Variants in KCTD8 observed in about 807,000 individuals in gnomAD.
KCTD8 encodes the protein potassium channel tetramerization domain containing 8.
Under a neutral mutation model 31.5 loss-of-function variants are expected in KCTD8, and 27 were observed. That is an observed-to-expected ratio of 0.86 (90% CI 0.63 to 1.18). KCTD8 has a LOEUF of 1.18. Ranked by LOEUF, KCTD8 falls within the 50% of genes most tolerant of loss-of-function variation. The probability of loss-of-function intolerance (pLI) is 0.00; values close to 1 mark genes in which losing one functional copy is unlikely to be tolerated. For missense variants in KCTD8, 658 were observed against 647.7 expected (o/e 1.02, Z -0.17); for synonymous variants, 290 against 280.0 (o/e 1.04, Z -0.36).
chr4:44,421,560 GT>G (rs1192203459), intron 1 of KCTD8, among the ~76,000 whole-genome samples: 1 of 151,976 alleles, frequency 6.6e-6, no homozygotes, highest in Non-Finnish European at 1.5e-5. Context: ...ATATCCTCTG[GT>G]TTTATGATAT....
chr4:44,346,921 G>C (rs891562977), intron 1 of KCTD8, among the ~76,000 whole-genome samples: 2 of 152,184 alleles, frequency 1.3e-5, no homozygotes, highest in Non-Finnish European at 2.9e-5. Context: ...ACTAAGACCT[G>C]AGTTGAATAT....
intron 1 of KCTD8, among the ~76,000 whole-genome samples, chr4:44,414,558 C>T (rs959717429): frequency 6.6e-6 from 1 of 152,102 alleles, no homozygotes; most frequent in African/African-American, 2.4e-5. Flanking sequence ...CTGGGTGGCC[C>T]CTGAGGGCTG....
intron 1 of KCTD8, among the ~76,000 whole-genome samples, chr4:44,426,119 T>A (rs920200346): frequency 1.3e-5 from 2 of 151,508 alleles, no homozygotes; most frequent in Non-Finnish European, 2.9e-5. Flanking sequence ...ATAATACATG[T>A]CAAAATGTAT....
intron 1 of KCTD8, among the ~76,000 whole-genome samples, chr4:44,377,125 T>G (rs917780435): frequency 6.6e-6 from 1 of 152,174 alleles, no homozygotes; most frequent in Non-Finnish European, 1.5e-5. Context: ...ATAAGCAGTC[T>G]TAACAACCTG....
chr4:44,182,925 T>TA, intron 1 of KCTD8, among the ~76,000 whole-genome samples: 2 of 152,210 alleles, frequency 1.3e-5, no homozygotes, highest in Non-Finnish European at 2.9e-5. Context: ...ACATATATAT[T>TA]AAGTACTTTA....
At chr4:44,338,427 T>C (rs1011473858) in intron 1 of KCTD8, among the ~76,000 whole-genome samples, 3 of 152,152 alleles carry the variant, frequency 2.0e-5, no homozygotes, top group Non-Finnish European at 4.4e-5. Flanking sequence ...AACTATTCAG[T>C]AAAGACCAGA....
At chr4:44,331,276 T>C (rs1009228737) in intron 1 of KCTD8, among the ~76,000 whole-genome samples, 1 of 151,878 alleles carries the variant, frequency 6.6e-6, no homozygotes, top group Non-Finnish European at 1.5e-5. Flanking sequence ...TCTAATATTG[T>C]TAGGAAAAAG....
At chr4:44,351,382 T>C (rs747275484) in intron 1 of KCTD8, among the ~76,000 whole-genome samples, 8 of 152,172 alleles carry the variant, frequency 5.3e-5, no homozygotes, top group Admixed American at 1.3e-4. Context: ...AAAAGAATTT[T>C]TGTGCATTAA....
chr4:44,270,591 T>C lies in KCTD8; in HGVS notation c.962-95341A>G, dbSNP rs565041584. 3.3e-5 allele frequency among the ~76,000 whole-genome samples: 5 copies of C among 152,134 alleles called. No individual in the cohort carries two copies. The South Asian group carries it at 1.0e-3, about 32-fold the overall frequency. The stretch of plus-strand genomic sequence containing the variant: ...ACCTTAGGCCTTTTCTTAGAAATTT[T>C]CATGTATATTTATTAAGACCAAACA... On this transcript the variant is annotated intron_variant, in intron 1 of 1. Transcript: ENST00000360029.
intron 1 of KCTD8, among the ~76,000 whole-genome samples, chr4:44,227,166 GTTTTAGGTTTTATATTTAAGTCTT>G (rs1431023228): frequency 6.6e-6 from 1 of 152,092 alleles, no homozygotes; most frequent in Non-Finnish European, 1.5e-5. Flanking sequence ...GGGTTTTATG[GTTTTAGGTTTTATATTTAAGTCTT>G]TAATCCATCT....
intron 1 of KCTD8, among the ~76,000 whole-genome samples, chr4:44,185,951 G>A (rs1355072025): frequency 1.3e-5 from 2 of 152,076 alleles, no homozygotes; most frequent in African/African-American, 2.4e-5. Flanking sequence ...AGTGCTGGGA[G>A]GAAAAGGGCG....
chr4:44,351,765 C>G (rs1185620403), intron 1 of KCTD8, among the ~76,000 whole-genome samples: 1 of 151,992 alleles, frequency 6.6e-6, no homozygotes, highest in Non-Finnish European at 1.5e-5. Flanking sequence ...AACATTTTGT[C>G]CCTGCCTAGA....
At chr4:44,199,318 ATACTC>A (rs1385333921) in intron 1 of KCTD8, among the ~76,000 whole-genome samples, 2 of 152,144 alleles carry the variant, frequency 1.3e-5, no homozygotes, top group African/African-American at 2.4e-5. Context: ...TACCTATAGA[ATACTC>A]TACCCCCAAC....
chr4:44,242,471 G>C (rs1203746217), intron 1 of KCTD8, among the ~76,000 whole-genome samples: 4 of 152,008 alleles, frequency 2.6e-5, no homozygotes, highest in Admixed American at 2.6e-4. Flanking sequence ...CCAGCTACTT[G>C]GGAGGCTGAG....
intron 1 of KCTD8, among the ~76,000 whole-genome samples, chr4:44,271,477 G>T (rs1342254012): frequency 5.3e-5 from 8 of 152,070 alleles, no homozygotes; most frequent in Non-Finnish European, 1.0e-4. Flanking sequence ...GACTGCTGGG[G>T]ATAGGCCCCC....
chr4:44,407,915 C>A (rs931767920), intron 1 of KCTD8, among the ~76,000 whole-genome samples: 3 of 152,028 alleles, frequency 2.0e-5, no homozygotes, highest in Non-Finnish European at 4.4e-5. Flanking sequence ...CATTTTTATT[C>A]CGCACCCCAT....
At chr4:44,308,766 A>T (rs1325516854) in intron 1 of KCTD8, among the ~76,000 whole-genome samples, 1 of 152,122 alleles carries the variant, frequency 6.6e-6, no homozygotes, top group African/African-American at 2.4e-5. Context: ...AATCAATAAC[A>T]AAAATTCAGA....
At chr4:44,342,042 G>C (rs1200838994) in intron 1 of KCTD8, among the ~76,000 whole-genome samples, 1 of 152,094 alleles carries the variant, frequency 6.6e-6, no homozygotes, top group African/African-American at 2.4e-5. Flanking sequence ...CGGAGTTCTT[G>C]GGTGACCAAG....
intron 1 of KCTD8, among the ~76,000 whole-genome samples, chr4:44,254,931 G>C (rs904212390): frequency 6.6e-6 from 1 of 151,750 alleles, no homozygotes; most frequent in Non-Finnish European, 1.5e-5. Context: ...ATTTGGCTGA[G>C]GGAAATTCAC....
Sources: allele counts gnomAD v4.1 joint callset (sites outside exome capture counted in the v4.1 genomes callset), GRCh38; gene constraint gnomAD v4.1.1; transcripts MANE v1.5; gene names NCBI Gene and HGNC (gene_info 2026-07-23, HGNC 2026-07-21).